Variants in ADAM12 observed in about 807,000 individuals in gnomAD.
ADAM12 encodes the protein disintegrin and metalloproteinase domain-containing protein 12.
In ADAM12, 70 loss-of-function variants were observed where a neutral mutation model predicts 106.4. The observed-to-expected ratio is 0.66, with a 90% CI of 0.54 to 0.80. The LOEUF is 0.80. Ranked by LOEUF, ADAM12 falls within the 30% of genes least tolerant of loss-of-function variation. ADAM12 has a pLI of 0.00. For synonymous variants in ADAM12, 420 were observed against 433.5 expected (o/e 0.97, Z 0.39); for missense variants, 1,010 against 1,171.9 (o/e 0.86, Z 2.02).
chr10:126,191,618 G>A (rs1447642545), intron 3 of ADAM12, among the ~76,000 whole-genome samples: 1 of 152,036 alleles, frequency 6.6e-6, no homozygotes, highest in Non-Finnish European at 1.5e-5. Context: ...GGGGGAATAG[G>A]GGACAGGATT....
chr10:126,280,940 T>C (rs551290498), intron 2 of ADAM12, among the ~76,000 whole-genome samples: 119 of 152,302 alleles, frequency 7.8e-4, no homozygotes, highest in African/African-American at 2.8e-3. Context: ...AATTAATCTA[T>C]TGGATCCTAC....
At chr10:126,030,711 T>C (rs991241878) in intron 21 of ADAM12, among the ~76,000 whole-genome samples, 3 of 152,110 alleles carry the variant, frequency 2.0e-5, no homozygotes, top group African/African-American at 4.8e-5. Flanking sequence ...TTAAAGACAT[T>C]TGATGTTTGT....
intron 3 of ADAM12, among the ~76,000 whole-genome samples, chr10:126,184,393 C>T (rs2094183025): frequency 6.6e-6 from 1 of 152,188 alleles, no homozygotes; most frequent in South Asian, 2.1e-4. Context: ...TTGAGTGTTA[C>T]ATAAAAGTGA....
At chr10:126,354,571 T>C (rs77810802) in intron 1 of ADAM12, among the ~76,000 whole-genome samples, 2 of 152,230 alleles carry the variant, frequency 1.3e-5, no homozygotes, top group Admixed American at 1.3e-4. Context: ...CAATTGTACA[T>C]GCAAATTTCA....
chr10:126,187,483 G>T (rs569693714), intron 3 of ADAM12, among the ~76,000 whole-genome samples: 11 of 152,292 alleles, frequency 7.2e-5, no homozygotes, highest in East Asian at 5.8e-4. Context: ...CCAGCAAGTG[G>T]CTGTATTTGA....
chr10:126,155,747 T>C (rs1431269351), intron 3 of ADAM12, among the ~76,000 whole-genome samples: 2 of 152,140 alleles, frequency 1.3e-5, no homozygotes. Context: ...GCTGGGAAAA[T>C]CATTCTGATC....
chr10:126,032,283 C>T (rs762084408), intron 21 of ADAM12, among the ~76,000 whole-genome samples: 1 of 152,150 alleles, frequency 6.6e-6, no homozygotes, highest in Non-Finnish European at 1.5e-5. Flanking sequence ...AAACAAGAGT[C>T]ACCTCCAAAT....
At position 126,108,683 on chromosome 10, in the gene ADAM12, C is replaced by T. The variant is rs1309004594; in HGVS notation, c.670-19G>A. 4 of 1,598,802 alleles carry T rather than the reference C, an allele frequency of 2.5e-6. No homozygotes were observed. Among genetic ancestry groups the T allele is most frequent in the South Asian group, 2.2e-5 (2 of 90,744 alleles). On this transcript the variant is annotated intron_variant, in intron 7 of 22. Coordinates refer to ENST00000448723, the MANE Select transcript of ADAM12 (RefSeq NM_001288973.2). ...TCTGAAACTTAACAATTTTAAATGG[C>T]AGCATTAATACCAGCAAGAATATCA... is the stretch of plus-strand genomic sequence containing the variant.
chr10:126,361,521 C>T (rs1488874724), intron 1 of ADAM12, among the ~76,000 whole-genome samples: 2 of 152,158 alleles, frequency 1.3e-5, no homozygotes, highest in Admixed American at 1.3e-4. Context: ...CATCACAGTA[C>T]CTAATTTCAA....
chr10:126,321,564 T>C (rs1854094875), intron 2 of ADAM12, among the ~76,000 whole-genome samples: 1 of 152,050 alleles, frequency 6.6e-6, no homozygotes, highest in Non-Finnish European at 1.5e-5. Context: ...TTCTCCTCTT[T>C]GTGTGTTGGC....
At chr10:126,259,510 T>C (rs6597753) in intron 3 of ADAM12, among the ~76,000 whole-genome samples, 76,743 of 152,102 alleles carry the variant, frequency 0.5, 19,580 homozygotes, top group Non-Finnish European at 0.54. Context: ...CATTTCTTTG[T>C]TCACTCAAAA....
chr10:126,082,058 T>C (rs1222625613), intron 11 of ADAM12, among the ~76,000 whole-genome samples: 3 of 152,334 alleles, frequency 2.0e-5, no homozygotes, highest in East Asian at 3.9e-4. Context: ...CCTGTTCCAT[T>C]CTGGAAGGGC....
intron 1 of ADAM12, among the ~76,000 whole-genome samples, chr10:126,372,878 G>T (rs906431289): frequency 1.3e-5 from 2 of 152,176 alleles, no homozygotes; most frequent in African/African-American, 2.4e-5. Context: ...ACAGAAAAGA[G>T]ACTAAAGTAT....
At chr10:126,191,412 G>A (rs566801047) in intron 3 of ADAM12, among the ~76,000 whole-genome samples, 1 of 152,246 alleles carries the variant, frequency 6.6e-6, no homozygotes, top group East Asian at 1.9e-4. Flanking sequence ...GAAGCCTGGA[G>A]GAAGTCAGCA....
At chr10:126,085,801 G>A (rs568489785) in intron 11 of ADAM12, among the ~76,000 whole-genome samples, 1 of 152,306 alleles carries the variant, frequency 6.6e-6, no homozygotes, top group African/African-American at 2.4e-5. Flanking sequence ...TTTCAGTCAA[G>A]AAGTATTTAT....
chr10:126,079,040 A>G lies in ADAM12; in HGVS notation c.1146-7386T>C, dbSNP rs532363113. 2.0e-5 allele frequency among the ~76,000 whole-genome samples: 3 copies of G among 152,296 alleles called. No individual in the cohort carries two copies. The East Asian group carries it at 5.8e-4, about 29-fold the overall frequency. ...AAAGTGTGCTCCCAGGACAAGCAGCACCAGGAACTTTCTAGAAATGCACAT... is the reference window on the plus strand; with the variant it reads ...AAAGTGTGCTCCCAGGACAAGCAGCGCCAGGAACTTTCTAGAAATGCACAT... On this transcript the variant is annotated intron_variant, in intron 11 of 22. Coordinates refer to ENST00000448723, the MANE Select transcript of ADAM12 (RefSeq NM_001288973.2).
intron 3 of ADAM12, among the ~76,000 whole-genome samples, chr10:126,269,377 C>G (rs1959162738): frequency 6.6e-6 from 1 of 152,212 alleles, no homozygotes; most frequent in Non-Finnish European, 1.5e-5. Context: ...TGGAGTTGCT[C>G]TGGTTCAAAC....
chr10:126,048,939 A>G (rs1412943360), intron 16 of ADAM12, among the ~76,000 whole-genome samples: 4 of 152,212 alleles, frequency 2.6e-5, no homozygotes, highest in South Asian at 4.1e-4. Context: ...ACCAAGCCAC[A>G]TATCCAAAAC....
At chr10:126,343,528 CT>C (rs1349878098) in intron 1 of ADAM12, among the ~76,000 whole-genome samples, 1 of 152,120 alleles carries the variant, frequency 6.6e-6, no homozygotes, top group African/African-American at 2.4e-5. Flanking sequence ...ATTTATAATC[CT>C]TTGGGTATAT....
Sources: allele counts gnomAD v4.1 joint callset (sites outside exome capture counted in the v4.1 genomes callset), GRCh38; gene constraint gnomAD v4.1.1; transcripts MANE v1.5; gene names NCBI Gene and HGNC (gene_info 2026-07-23, HGNC 2026-07-21).